The following FNDC1 variants were observed in gnomAD, a reference collection of about 807,000 sequenced individuals.
FNDC1 encodes the protein fibronectin type III domain-containing protein 1.
In FNDC1, 96 loss-of-function variants were observed where a neutral mutation model predicts 168.0. That is an observed-to-expected ratio of 0.57 (90% confidence interval 0.48 to 0.68). The LOEUF is 0.68. FNDC1 is among the 30% of genes least tolerant of loss of function. FNDC1 has a pLI of 0.00. For synonymous variants in FNDC1, 1,099 were observed against 1,025.9 expected, an observed-to-expected ratio of 1.07 and a Z score of -1.36; for missense variants, 2,587 against 2,482.1, an observed-to-expected ratio of 1.04 and a Z score of -0.90.
rs138865301 is a variant in FNDC1 at position 159,253,776 on chromosome 6, G to A, written c.5065+2244G>A. Among the ~76,000 whole-genome samples, 43 of 152,326 alleles carry A rather than the reference G, an allele frequency of 2.8e-4. No individual in the cohort carries two copies. The East Asian group carries it at 7.1e-3, about 25-fold the overall frequency. ...CCAGCAAGCACCTTATCAAAACCCA[G>A]ACACAGGATCAGCCGAGAAACCAGT... On this transcript the variant is annotated intron_variant, in intron 17 of 22. Coordinates refer to ENST00000297267, the MANE Select transcript of FNDC1 (RefSeq NM_032532.3).
rs756526753 is a variant in FNDC1, at chr6:159,233,961, T to A, written c.3449T>A (p.Val1150Glu). 14 of 1,580,646 alleles carry A rather than the reference T, an allele frequency of 8.9e-6. No individual in the cohort carries two copies. Among genetic ancestry groups the A allele is most frequent in the Non-Finnish European group, 1.2e-5 (14 of 1,163,776 alleles). The change falls in exon 11 of 23, where the codon GTA (valine) becomes GAA (glutamate). Residue 1150 changes from valine to glutamate, a missense_variant. By Grantham distance (121) the Val-to-Glu change is moderately radical. Transcript: ENST00000297267. The surrounding 1 kb of genome is among the most constrained non-coding windows in gnomAD (Gnocchi z 4.6). The part of the protein sequence containing the change: ...RPGGPQSRAR[V>E]PSRAAPGKSE... ...GGCGGCCCCCAGTCCCGCGCCCGGG[T>A]ACCCAGCAGGGCAGCGCCGGGGAAG...
At chr6:159,212,148 G>C (rs1782618765) in intron 4 of FNDC1, among the ~76,000 whole-genome samples, 1 of 152,198 alleles carries the variant, frequency 6.6e-6, no homozygotes, top group African/African-American at 2.4e-5. Flanking sequence ...GTTGCCGCAG[G>C]TCTTCTGTTA....
chr6:159,241,948 C>T (rs1193670794), intron 14 of FNDC1, among the ~76,000 whole-genome samples: 1 of 152,070 alleles, frequency 6.6e-6, no homozygotes. Context: ...TTTTTTCTTT[C>T]TTTATAGTAA....
intron 17 of FNDC1, among the ~76,000 whole-genome samples, chr6:159,251,846 A>C (rs943935621): frequency 2.6e-5 from 4 of 152,180 alleles, no homozygotes; most frequent in Admixed American, 6.5e-5. Flanking sequence ...GCAAAACATC[A>C]CTACATCTCT....
In FNDC1 at chr6:159,232,356, C is replaced by G; in HGVS notation, c.1844C>G (p.Ser615Trp). 1.2e-6 allele frequency: 2 copies of G among 1,613,584 alleles called. No homozygotes were observed. The highest frequency in any genetic ancestry group is 2.2e-5 in the South Asian group (2 of 91,042). Reference protein sequence around the residue: ...ATQPRPGAPPSASASPAHHAS... With the variant: ...ATQPRPGAPPWASASPAHHAS... ...CAGCCCCGCCCAGGGGCGCCCCCCT[C>G]GGCTTCGGCCTCTCCTGCCCACCAC... The change falls in exon 11 of 23, where the codon TCG (serine) becomes TGG (tryptophan). Residue 615 changes from serine (S) to tryptophan (W), a missense_variant. Physicochemically the swap from Ser to Trp is radical, Grantham distance 177. Coordinates refer to ENST00000297267, the MANE Select transcript of FNDC1 (RefSeq NM_032532.3). The surrounding 1 kb of genome is among the most constrained non-coding windows in gnomAD (Gnocchi z 4.9).
chr6:159,202,409 G>A (rs552055704), intron 4 of FNDC1, among the ~76,000 whole-genome samples: 18 of 152,216 alleles, frequency 1.2e-4, no homozygotes, highest in Non-Finnish European at 2.4e-4. Context: ...CTATTATTCC[G>A]AGAAATTGTT....
chr6:159,270,217 G>C (rs1162730215), intron 22 of FNDC1, among the ~76,000 whole-genome samples: 1 of 152,172 alleles, frequency 6.6e-6, no homozygotes, highest in East Asian at 1.9e-4. Flanking sequence ...AGTCTGTCTT[G>C]GTTTTGTGGC....
intron 1 of FNDC1, among the ~76,000 whole-genome samples, chr6:159,186,687 A>T (rs1782007515): frequency 1.3e-5 from 2 of 152,238 alleles, no homozygotes; most frequent in South Asian, 4.1e-4. Context: ...ACATGCAGCC[A>T]CTTGAAACTC....
At chr6:159,251,206 C>T in intron 16 of FNDC1, 96 bp from the exon 17 acceptor site, 1 of 901,406 alleles carries the variant, frequency 1.1e-6, no homozygotes, top group Non-Finnish European at 1.7e-6. Context: ...CAGGAAGAGA[C>T]CGAATGGTGG....
At chr6:159,243,391 C>CTGTA (rs1783470759) in intron 14 of FNDC1, 1 of 152,218 alleles carries the variant, frequency 6.6e-6, no homozygotes, top group Non-Finnish European at 1.5e-5. Context: ...GCTGGACCAA[C>CTGTA]TGTACAATGT....
chr6:159,215,410 T>G (rs761081379), intron 5 of FNDC1, among the ~76,000 whole-genome samples: 3 of 152,206 alleles, frequency 2.0e-5, no homozygotes, highest in Non-Finnish European at 2.9e-5. Flanking sequence ...ACTCCTTGAG[T>G]CAGGCCATTT....
chr6:159,268,063 TA>T (rs1777627627), intron 22 of FNDC1, 137 bp downstream of exon 22: 16 of 903,194 alleles, frequency 1.8e-5, no homozygotes, highest in Non-Finnish European at 2.7e-5. Context: ...GTCATAAAAA[TA>T]AATAAAATAA....
At chr6:159,226,675 C>A in intron 9 of FNDC1, 95 bp downstream of exon 9, 1 of 914,098 alleles carries the variant, frequency 1.1e-6, no homozygotes, top group Non-Finnish European at 1.6e-6. Flanking sequence ...AATAGGGAAG[C>A]AACATATGTC....
At chr6:159,265,432 C>T (rs994169420) in intron 20 of FNDC1, among the ~76,000 whole-genome samples, 2 of 152,156 alleles carry the variant, frequency 1.3e-5, no homozygotes, top group African/African-American at 4.8e-5. Flanking sequence ...GCAGAGGGAC[C>T]TGGGGACAGG....
Position 159,251,516 on chromosome 6 carries a change from A to G in FNDC1, c.5049A>G (p.Pro1683=). 1 of 1,613,622 alleles carries G rather than the reference A, an allele frequency of 6.2e-7. No homozygotes were observed. The highest frequency in any genetic ancestry group is 8.5e-7 in the Non-Finnish European group (1 of 1,179,766). ...FVIVDWDKAT[P]GDVVTGYLVY... The stretch of plus-strand genomic sequence containing the variant: ...TTGTGGACTGGGACAAAGCCACCCC[A>G]GGAGATGTGGTCACAGGTGTGTCCT... Residue 1683 remains proline (P), a synonymous_variant, in exon 17 of 23, where the codon CCA becomes CCG. Transcript: ENST00000297267.
chr6:159,230,880 T>C (rs1286842536), intron 10 of FNDC1, among the ~76,000 whole-genome samples: 1 of 152,212 alleles, frequency 6.6e-6, no homozygotes, highest in Non-Finnish European at 1.5e-5. Flanking sequence ...CTATAGAATC[T>C]CTTCCCTCAG....
Position 159,169,636 on chromosome 6 carries a change from C to T in FNDC1, c.40C>T (p.Arg14Trp). 3 of 1,150,020 alleles carry T rather than the reference C, an allele frequency of 2.6e-6. No individual in the cohort carries two copies. Among genetic ancestry groups the T allele is most frequent in the Non-Finnish European group, 3.2e-6 (3 of 936,412 alleles). The allele number at this position is 1,150,020 out of a possible 1,614,324, so 71.2% of individuals were successfully genotyped here. The change falls in exon 1 of 23, where the codon CGG (arginine) becomes TGG (tryptophan). Residue 14 changes from arginine to tryptophan, a missense_variant. Physicochemically the swap from Arg to Trp is moderately radical, Grantham distance 101. Coordinates refer to ENST00000297267, the MANE Select transcript of FNDC1 (RefSeq NM_032532.3). The surrounding 1 kb of genome is among the most constrained non-coding windows in gnomAD (Gnocchi z 6.8). Reference protein sequence around the residue: ...EAGATLRAPRRLSWAALLLLA... With the variant: ...EAGATLRAPRWLSWAALLLLA... ...CGGGGCGACCCTGCGCGCGCCGCGC[C>T]GGCTGTCCTGGGCGGCGCTGCTGCT... is the stretch of plus-strand genomic sequence containing the variant.
In FNDC1 at chr6:159,271,835, T is replaced by C. The variant is rs1439281706; in HGVS notation, c.*393T>C. The C allele has an allele frequency of 6.3e-6, 1 of 157,992 alleles. No homozygotes were observed. The highest frequency in any genetic ancestry group is 1.4e-5 in the Non-Finnish European group (1 of 71,458). 9.8% of individuals were successfully genotyped at this position (157,992 alleles called of 1,614,324 possible). On this transcript the variant is annotated 3_prime_UTR_variant, in exon 23 of 23. Transcript: ENST00000297267. ...TCATGGAATGCTACATGCTTTCTGT[T>C]TTTCTCATTTTGGATTTCTCCAAAA...
intron 4 of FNDC1, among the ~76,000 whole-genome samples, chr6:159,211,165 C>T (rs1182714458): frequency 6.6e-6 from 1 of 152,186 alleles, no homozygotes; most frequent in Non-Finnish European, 1.5e-5. Flanking sequence ...CTGTGAGCAT[C>T]AGGCCTGCTC....
Sources: allele counts gnomAD v4.1 joint callset (sites outside exome capture counted in the v4.1 genomes callset), GRCh38; gene constraint gnomAD v4.1.1; non-coding constraint Gnocchi (gnomAD v3.1); transcripts MANE v1.5; gene names NCBI Gene and HGNC (gene_info 2026-07-23, HGNC 2026-07-21).